The following EIF4G3 variants were observed in gnomAD, a reference collection of about 807,000 sequenced individuals.
EIF4G3 encodes the protein eukaryotic translation initiation factor 4 gamma 3.
In EIF4G3, 34 loss-of-function variants were observed where a neutral mutation model predicts 186.4. The ratio of observed to expected loss-of-function variants is 0.18; its 90% CI spans 0.14 to 0.24. EIF4G3 has a LOEUF of 0.24. EIF4G3 is among the 10% of genes least tolerant of loss of function. The pLI, the probability that EIF4G3 is intolerant of heterozygous loss-of-function variation, is 1.00. For missense variants in EIF4G3, 1,536 were observed against 1,948.5 expected, an observed-to-expected ratio of 0.79 and a Z score of 3.99; for synonymous variants, 673 against 679.5, an observed-to-expected ratio of 0.99 and a Z score of 0.15.
At chr1:20,961,616 A>G (rs946576534) in intron 12 of EIF4G3, among the ~76,000 whole-genome samples, 1 of 152,216 alleles carries the variant, frequency 6.6e-6, no homozygotes, top group African/African-American at 2.4e-5. Flanking sequence ...CTATCAAACC[A>G]TATAGTGTAT....
intron 30 of EIF4G3, among the ~76,000 whole-genome samples, chr1:20,837,330 C>T (rs1439311140): frequency 3.3e-5 from 5 of 152,116 alleles, no homozygotes; most frequent in Non-Finnish European, 7.4e-5. Context: ...CTCAGCCTCC[C>T]GAGCAGCTGG....
At chr1:20,980,738 A>T (rs1456032280) in intron 9 of EIF4G3, among the ~76,000 whole-genome samples, 1 of 152,218 alleles carries the variant, frequency 6.6e-6, no homozygotes, top group Non-Finnish European at 1.5e-5. Flanking sequence ...CTTTTCAATG[A>T]CATTAAAGGA....
At chr1:21,171,458 G>C (rs922800565) in intron 2 of EIF4G3, among the ~76,000 whole-genome samples, 3 of 152,098 alleles carry the variant, frequency 2.0e-5, no homozygotes, top group African/African-American at 7.2e-5. Context: ...CACCACTGAA[G>C]TTAGAGAGGT....
chr1:21,031,863 C>T (rs2092774357), intron 4 of EIF4G3, among the ~76,000 whole-genome samples: 1 of 152,116 alleles, frequency 6.6e-6, no homozygotes, highest in African/African-American at 2.4e-5. Flanking sequence ...CTTAAATATA[C>T]AAGTGGCAGT....
Position 21,150,745 on chromosome 1 carries a change from G to A in EIF4G3, c.-272+25430C>T, listed in dbSNP as rs1397691777. ...TAATCCCAGCACTTTGGGAGGCCGA[G>A]GCGGGTGGACCACCTGAGGTCGGGA... On this transcript the variant is annotated intron_variant, in intron 2 of 36. Transcript: ENST00000602326. 2.0e-5 allele frequency among the ~76,000 whole-genome samples: 3 copies of A among 152,218 alleles called. No homozygotes were observed. The East Asian group carries it at 5.8e-4, about 29-fold the overall frequency.
chr1:20,979,059 A>G (rs2077437732), intron 10 of EIF4G3, among the ~76,000 whole-genome samples: 1 of 152,234 alleles, frequency 6.6e-6, no homozygotes, highest in Non-Finnish European at 1.5e-5. Flanking sequence ...TGTTGGTTAT[A>G]TAACAGATCA....
intron 36 of EIF4G3, among the ~76,000 whole-genome samples, chr1:20,809,065 A>G (rs553630877): frequency 8.7e-4 from 132 of 151,876 alleles, no homozygotes; most frequent in Non-Finnish European, 1.7e-3. Context: ...CCACCGCCTC[A>G]TGGGTTCAAG....
intron 3 of EIF4G3, among the ~76,000 whole-genome samples, chr1:21,081,993 A>G (rs1465893947): frequency 6.6e-6 from 1 of 151,208 alleles, no homozygotes; most frequent in Non-Finnish European, 1.5e-5. Flanking sequence ...CGGTCTCACC[A>G]TGTTGCCCAG....
chr1:20,924,042 G>A (rs1296747230), intron 14 of EIF4G3, among the ~76,000 whole-genome samples: 1 of 151,898 alleles, frequency 6.6e-6, no homozygotes, highest in African/African-American at 2.4e-5. Flanking sequence ...CATCTCTTTT[G>A]GCACATCATA....
intron 2 of EIF4G3, among the ~76,000 whole-genome samples, chr1:21,142,454 T>C (rs1376796569): frequency 6.6e-6 from 1 of 152,008 alleles, no homozygotes; most frequent in South Asian, 2.1e-4. Context: ...TTGCAGTGAG[T>C]TGAGATCGTA....
chr1:20,865,303 C>T (rs2077314773), intron 20 of EIF4G3, 41 bp from the exon 21 acceptor site: 1 of 1,600,784 alleles, frequency 6.2e-7, no homozygotes, highest in Non-Finnish European at 8.5e-7. Context: ...AACAAGATTA[C>T]TTAAAGACAT....
In EIF4G3 at chr1:20,806,969, T is replaced by C. The variant is rs2058198842; in HGVS notation, c.*350A>G. Reference sequence around the variant, plus strand: ...TGCAAATTAAAAAATTACACTGGCATTTGCAGTCCTTAAAATAAATTAAAA... The same window carrying C: ...TGCAAATTAAAAAATTACACTGGCACTTGCAGTCCTTAAAATAAATTAAAA... On this transcript the variant is annotated 3_prime_UTR_variant, in exon 37 of 37. Transcript: ENST00000602326. 1 of 157,766 alleles carries C rather than the reference T, an allele frequency of 6.3e-6. No homozygotes were observed. Among genetic ancestry groups the C allele is most frequent in the Non-Finnish European group, 1.4e-5 (1 of 71,710 alleles). 9.8% of individuals were successfully genotyped at this position (157,766 alleles called of 1,614,324 possible).
chr1:21,070,585 A>G (rs2095413035), intron 3 of EIF4G3, among the ~76,000 whole-genome samples: 1 of 152,168 alleles, frequency 6.6e-6, no homozygotes, highest in Non-Finnish European at 1.5e-5. Context: ...CTTCTTAACT[A>G]TTAATTTTTT....
chr1:20,821,361 G>A (rs1040902518), intron 33 of EIF4G3, among the ~76,000 whole-genome samples: 2 of 152,218 alleles, frequency 1.3e-5, no homozygotes, highest in Non-Finnish European at 2.9e-5. Context: ...CTGGGTACTG[G>A]TAAGTTCTAT....
intron 29 of EIF4G3, among the ~76,000 whole-genome samples, chr1:20,845,136 T>C (rs1241583938): frequency 3.3e-5 from 5 of 152,182 alleles, no homozygotes; most frequent in Non-Finnish European, 7.4e-5. Flanking sequence ...TTTTTGTATA[T>C]GGTATAAAGA....
chr1:21,028,205 G>A (rs1040014596), intron 4 of EIF4G3, among the ~76,000 whole-genome samples: 1 of 152,184 alleles, frequency 6.6e-6, no homozygotes, highest in African/African-American at 2.4e-5. Context: ...GAGTTATAAA[G>A]ATGGATCGTG....
intron 31 of EIF4G3, among the ~76,000 whole-genome samples, chr1:20,828,382 G>T (rs902210792): frequency 4.6e-5 from 7 of 152,088 alleles, no homozygotes; most frequent in Admixed American, 1.3e-4. Flanking sequence ...TGAAATTATG[G>T]ATGAAACAGC....
At chr1:21,096,694 T>C (rs1386089176) in intron 2 of EIF4G3, among the ~76,000 whole-genome samples, 1 of 152,212 alleles carries the variant, frequency 6.6e-6, no homozygotes. Context: ...GCTACATACA[T>C]TTGGCAGACT....
chr1:20,855,050 G>T lies in EIF4G3; in HGVS notation c.3361C>A (p.Gln1121Lys). The T allele has an allele frequency of 6.2e-7, 1 of 1,612,530 alleles. No homozygotes were observed. Among genetic ancestry groups the T allele is most frequent in the South Asian group, 1.1e-5 (1 of 90,952 alleles). The change falls in exon 26 of 37, where the codon CAG becomes AAG. Residue 1121 changes from glutamine (Q) to lysine (K), a missense_variant. Gln to Lys is a moderately conservative substitution (Grantham distance 53). Around this residue, in one of 11 missense-constraint regions of EIF4G3, gnomAD observed 6 missense variants for 27.0 expected, o/e 0.22. Transcript: ENST00000602326. ...CCTAGCTGTGCTTTAGGTACCAGCT[G>T]AATTTTTTCATCAATTGTAGGCTGT... ...ITKPTIDEKI[Q>K]LVPKAQLGSW... is the part of the protein sequence containing the mutation.
Sources: gnomAD v4.1 joint callset for allele counts (sites outside exome capture counted in the v4.1 genomes callset) on GRCh38, gnomAD v4.1.1 for gene constraint, gnomAD v4.1.1 regional missense constraint, MANE v1.5 for transcripts, NCBI Gene and HGNC (gene_info 2026-07-23, HGNC 2026-07-21) for gene names.